Variants in KCNIP4 observed in about 807,000 individuals in gnomAD.
The protein encoded by KCNIP4 is Kv channel-interacting protein 4.
Under a neutral mutation model 34.0 loss-of-function variants are expected in KCNIP4, and 12 were observed. The ratio of observed to expected loss-of-function variants is 0.35; its 90% CI spans 0.23 to 0.57. KCNIP4 has a LOEUF of 0.57. Among genes scored for constraint, KCNIP4 ranks in the 20% least tolerant of loss-of-function variants. KCNIP4 has a pLI of 0.83. For synonymous variants in KCNIP4, 124 were observed against 102.2 expected (o/e 1.21, Z -1.29); for missense variants, 238 against 311.7 (o/e 0.76, Z 1.78).
At chr4:21,915,091 CAG>C (rs1728552902) in intron 1 of KCNIP4, among the ~76,000 whole-genome samples, 1 of 152,114 alleles carries the variant, frequency 6.6e-6, no homozygotes, top group Non-Finnish European at 1.5e-5. Context: ...TGTAGCGGCA[CAG>C]AGAGTCAGTA....
At chr4:21,630,252 G>A (rs996914748) in intron 1 of KCNIP4, among the ~76,000 whole-genome samples, 3 of 151,768 alleles carry the variant, frequency 2.0e-5, no homozygotes, top group African/African-American at 7.3e-5. Flanking sequence ...GGATCACGAG[G>A]TCAAGAGATT....
chr4:21,501,244 T>TCACA (rs755377009), intron 1 of KCNIP4, among the ~76,000 whole-genome samples: 3 of 142,542 alleles, frequency 2.1e-5, no homozygotes, highest in African/African-American at 8.3e-5. Flanking sequence ...TCTCTCTCTC[T>TCACA]CTCTCACACA....
chr4:21,060,911 G>A (rs925110244), intron 1 of KCNIP4, among the ~76,000 whole-genome samples: 3 of 152,252 alleles, frequency 2.0e-5, no homozygotes, highest in Admixed American at 6.5e-5. Context: ...TATTGAAAGC[G>A]TGTGGTTGAA....
In KCNIP4 at chr4:20,732,778, A is replaced by G. The variant is rs1748640414; in HGVS notation, c.545T>C (p.Leu182Pro). The change falls in exon 7 of 9, where the codon CTT becomes CCT. Residue 182 changes from leucine (L) to proline (P), a missense_variant. Physicochemically the swap from Leu to Pro is moderately conservative, Grantham distance 98 (BLOSUM62 -3). Coordinates refer to ENST00000382152, the MANE Select transcript of KCNIP4 (RefSeq NM_025221.6). Reference sequence around the variant, plus strand: ...ATCGTATATTGCTTTCATTATATCAAGCATTTCCTGAAAAATAAAAGGCAC... The same window carrying G: ...ATCGTATATTGCTTTCATTATATCAGGCATTTCCTGAAAAATAAAAGGCAC... ...KDGYITKEEMLDIMKAIYDMM... is the reference protein window; with the variant it reads ...KDGYITKEEMPDIMKAIYDMM... 1 of 1,601,206 alleles carries G rather than the reference A, an allele frequency of 6.2e-7. No homozygotes were observed.
chr4:21,238,050 C>T lies in KCNIP4; in HGVS notation c.62-355341G>A, dbSNP rs1253603251. Among the ~76,000 whole-genome samples the T allele has an allele frequency of 2.6e-5, 4 of 152,130 alleles. No homozygotes were observed. The East Asian group carries it at 5.8e-4, about 22-fold the overall frequency. ...TCCACCATGATCAAGTGGGCTTCAT[C>T]CCTGGGATGCAAGGCTGGTTCAACA... On this transcript the variant is annotated intron_variant, in intron 1 of 8. Coordinates refer to ENST00000382152, the MANE Select transcript of KCNIP4 (RefSeq NM_025221.6).
Position 21,439,135 on chromosome 4 carries a change from A to C in KCNIP4, c.61+509436T>G, listed in dbSNP as rs1044088542. On this transcript the variant is annotated intron_variant, in intron 1 of 8. Transcript: ENST00000382152. ...CGACATCGCGCCACTGCACTCCAGC[A>C]TGGGCGACAGAGCAATAATCTGTCT... 1.0e-4 allele frequency among the ~76,000 whole-genome samples: 15 copies of C among 147,740 alleles called. No homozygotes were observed. In the East Asian group the frequency reaches 1.2e-3, roughly 12 times the overall value.
intron 1 of KCNIP4, among the ~76,000 whole-genome samples, chr4:21,620,184 T>C (rs1156371761): frequency 6.6e-6 from 1 of 151,920 alleles, no homozygotes; most frequent in African/African-American, 2.4e-5. Flanking sequence ...AGAGTGAAGA[T>C]CAAAAGAGTA....
chr4:20,852,574 G>T (rs1721151472), intron 2 of KCNIP4, among the ~76,000 whole-genome samples: 1 of 152,096 alleles, frequency 6.6e-6, no homozygotes, highest in Admixed American at 6.6e-5. Flanking sequence ...ACAAGATAAG[G>T]ATGCCCACTC....
At chr4:21,079,228 T>G (rs1745792789) in intron 1 of KCNIP4, among the ~76,000 whole-genome samples, 1 of 152,080 alleles carries the variant, frequency 6.6e-6, no homozygotes, top group Non-Finnish European at 1.5e-5. Flanking sequence ...TTTTTTGGCA[T>G]CTCACACAAT....
At chr4:21,187,358 A>C (rs1755309167) in intron 1 of KCNIP4, among the ~76,000 whole-genome samples, 1 of 152,216 alleles carries the variant, frequency 6.6e-6, no homozygotes, top group South Asian at 2.1e-4. Context: ...TAATGGTAAC[A>C]AATATATAAT....
At chr4:20,923,192 G>T (rs542626094) in intron 1 of KCNIP4, among the ~76,000 whole-genome samples, 1 of 152,316 alleles carries the variant, frequency 6.6e-6, no homozygotes, top group Admixed American at 6.5e-5. Context: ...TTGTTTCACA[G>T]TCACAAGTTG....
In KCNIP4 at chr4:21,607,614, C is replaced by T. The variant is rs376621201; in HGVS notation, c.61+340957G>A. On this transcript the variant is annotated intron_variant, in intron 1 of 8. Coordinates refer to ENST00000382152, the MANE Select transcript of KCNIP4 (RefSeq NM_025221.6). Reference sequence around the variant, plus strand: ...CAGCCATTCATTCACTCTGGGACTCCGGGAATCCTTGCATGGGGAGAGCTT... The same window carrying T: ...CAGCCATTCATTCACTCTGGGACTCTGGGAATCCTTGCATGGGGAGAGCTT... 1.7e-3 allele frequency among the ~76,000 whole-genome samples: 256 copies of T among 151,910 alleles called. 10 individuals are homozygous for T. In the South Asian group the frequency reaches 0.047, roughly 28 times the overall value.
chr4:21,003,406 T>C (rs1453266644), intron 1 of KCNIP4, among the ~76,000 whole-genome samples: 1 of 152,238 alleles, frequency 6.6e-6, no homozygotes, highest in South Asian at 2.1e-4. Flanking sequence ...TTTGAATACA[T>C]TTAACACACG....
At chr4:21,003,599 A>G (rs1249992701) in intron 1 of KCNIP4, among the ~76,000 whole-genome samples, 1 of 152,242 alleles carries the variant, frequency 6.6e-6, no homozygotes, top group Non-Finnish European at 1.5e-5. Context: ...AGGTTACCAT[A>G]GGCAAAAGGA....
At chr4:21,372,864 A>G (rs1373525859) in intron 1 of KCNIP4, among the ~76,000 whole-genome samples, 2 of 146,150 alleles carry the variant, frequency 1.4e-5, no homozygotes, top group African/African-American at 2.8e-5. Context: ...GAGTGAATAC[A>G]AGAGTGTTAA....
chr4:20,950,688 A>G (rs1732691112), intron 1 of KCNIP4, among the ~76,000 whole-genome samples: 1 of 152,056 alleles, frequency 6.6e-6, no homozygotes, highest in Non-Finnish European at 1.5e-5. Context: ...CATGCAATGT[A>G]GAAGCCAATG....
chr4:20,824,643 G>T (rs1717507875), intron 3 of KCNIP4, among the ~76,000 whole-genome samples: 1 of 152,088 alleles, frequency 6.6e-6, no homozygotes, highest in African/African-American at 2.4e-5. Flanking sequence ...TTGCACTTCT[G>T]CACTCCAGAC....
rs553945659 is a variant in KCNIP4 at position 21,371,422 on chromosome 4, T to C, written c.62-488713A>G. On this transcript the variant is annotated intron_variant, in intron 1 of 8. Transcript: ENST00000382152. ...CACCTCTGGGGGAAAGAAAGGAAAA[T>C]ATGAGTTATATCTAAAAGGCTCTGG... is the stretch of plus-strand genomic sequence containing the variant. Among the ~76,000 whole-genome samples the C allele has an allele frequency of 7.0e-4, 102 of 146,114 alleles. 17 individuals carry two copies. The highest frequency in any genetic ancestry group is 2.7e-3 in the African/African-American group (99 of 36,060).
Position 21,948,748 on chromosome 4 carries a change from G to A in KCNIP4, c.-117C>T. ...GGCCCGGGGGCGTCCGTGGCGCTGG[G>A]AGCGAGAGCTTCGGCGGCGGCTGCG... On this transcript the variant is annotated 5_prime_UTR_variant, in exon 1 of 9. Coordinates refer to ENST00000382152, the MANE Select transcript of KCNIP4 (RefSeq NM_025221.6). 8.2e-7 allele frequency: 1 copy of A among 1,220,848 alleles called. No individual in the cohort carries two copies. Among genetic ancestry groups the A allele is most frequent in the Non-Finnish European group, 1.0e-6 (1 of 967,892 alleles). 75.6% of individuals were successfully genotyped at this position (1,220,848 alleles called of 1,614,324 possible). A position where few individuals can be genotyped will look rare whatever the true frequency, so the allele number is the denominator to read the frequency against.
Sources: gnomAD v4.1 joint callset for allele counts (sites outside exome capture counted in the v4.1 genomes callset) on GRCh38, gnomAD v4.1.1 for gene constraint, MANE v1.5 for transcripts, NCBI Gene and HGNC (gene_info 2026-07-23, HGNC 2026-07-21) for gene names.